OLFM3: variants seen among roughly 807,000 people sequenced by gnomAD.
OLFM3 encodes the protein olfactomedin 3.
OLFM3 carries 20 observed loss-of-function variants against 48.6 expected under a neutral mutation model. That is an observed-to-expected ratio of 0.41 (90% CI 0.29 to 0.60). The LOEUF (loss-of-function observed/expected upper bound fraction) is 0.60. Among genes scored for constraint, OLFM3 ranks in the 20% least tolerant of loss-of-function variants. The probability of loss-of-function intolerance (pLI) is 0.28; values close to 1 mark genes in which losing one functional copy is unlikely to be tolerated. For missense variants in OLFM3, 437 were observed against 544.3 expected (o/e 0.80, Z 1.96); for synonymous variants, 222 against 198.1 (o/e 1.12, Z -1.01).
intron 2 of OLFM3, among the ~76,000 whole-genome samples, chr1:101,835,380 T>C (rs1296001160): frequency 6.6e-6 from 1 of 152,222 alleles, no homozygotes; most frequent in Non-Finnish European, 1.5e-5. Context: ...AGTGGTGAGT[T>C]CTCAGCTCAT....
At chr1:101,862,725 T>C (rs920570040) in intron 1 of OLFM3, among the ~76,000 whole-genome samples, 3 of 152,234 alleles carry the variant, frequency 2.0e-5, no homozygotes, top group Non-Finnish European at 4.4e-5. Flanking sequence ...CAGAGAAATA[T>C]GTATTTGCAC....
At chr1:101,838,393 C>A (rs1900024) in intron 1 of OLFM3, among the ~76,000 whole-genome samples, 2 of 152,220 alleles carry the variant, frequency 1.3e-5, no homozygotes, top group Admixed American at 1.3e-4. Flanking sequence ...CCTATTTGAC[C>A]TATCAAGTAG....
chr1:101,808,777 T>C (rs866655093), intron 4 of OLFM3, among the ~76,000 whole-genome samples: 6 of 151,754 alleles, frequency 4.0e-5, no homozygotes, highest in Admixed American at 6.6e-5. Context: ...TTCAAAACTT[T>C]AAAAATATAT....
chr1:101,839,880 C>T (rs1655624262), intron 1 of OLFM3, among the ~76,000 whole-genome samples: 1 of 152,200 alleles, frequency 6.6e-6, no homozygotes, highest in Non-Finnish European at 1.5e-5. Flanking sequence ...ACCTTCTCTA[C>T]TACAGAGTTA....
At chr1:101,948,656 T>G (rs1297422894) in intron 1 of OLFM3, among the ~76,000 whole-genome samples, 1 of 152,034 alleles carries the variant, frequency 6.6e-6, no homozygotes. Flanking sequence ...CTGAAACACA[T>G]TTGTGAAAAC....
intron 1 of OLFM3, among the ~76,000 whole-genome samples, chr1:101,961,068 G>A (rs967500204): frequency 2.6e-5 from 4 of 152,128 alleles, no homozygotes; most frequent in African/African-American, 9.7e-5. Context: ...AATGGCTCTA[G>A]GAGATGTCTT....
chr1:101,823,640 A>G (rs1654713103), intron 4 of OLFM3, among the ~76,000 whole-genome samples: 2 of 152,194 alleles, frequency 1.3e-5, no homozygotes, highest in South Asian at 4.1e-4. Flanking sequence ...TCAACAGAGC[A>G]AAATAATTTC....
intron 1 of OLFM3, among the ~76,000 whole-genome samples, chr1:101,855,097 A>C (rs1656362722): frequency 6.6e-6 from 1 of 152,092 alleles, no homozygotes; most frequent in African/African-American, 2.4e-5. Context: ...TAGAGTTTAA[A>C]TATTCATCTT....
intron 1 of OLFM3, among the ~76,000 whole-genome samples, chr1:101,913,199 A>G (rs1391104466): frequency 6.6e-6 from 1 of 152,172 alleles, no homozygotes; most frequent in Non-Finnish European, 1.5e-5. Context: ...CTTCCCTCTC[A>G]TGAAAGGCTA....
intron 1 of OLFM3, among the ~76,000 whole-genome samples, chr1:101,898,193 A>G (rs1270955150): frequency 6.6e-6 from 1 of 152,008 alleles, no homozygotes; most frequent in African/African-American, 2.4e-5. Flanking sequence ...GATGAGTTTA[A>G]AAAACTGATT....
chr1:101,893,724 G>A (rs1557720172), intron 1 of OLFM3: 1 of 155,810 alleles, frequency 6.4e-6, no homozygotes, highest in African/African-American at 2.4e-5. Flanking sequence ...CAAGCATGGA[G>A]CCATCAAGCA....
At chr1:101,994,569 T>G (rs962970692) in intron 1 of OLFM3, among the ~76,000 whole-genome samples, 15 of 149,034 alleles carry the variant, frequency 1.0e-4, no homozygotes, top group African/African-American at 3.2e-4. Context: ...CATCTGTAAT[T>G]TTTTGGGGGG....
intron 1 of OLFM3, among the ~76,000 whole-genome samples, chr1:101,920,417 TTTTCAG>T (rs959302915): frequency 6.6e-6 from 1 of 152,182 alleles, no homozygotes; most frequent in Admixed American, 6.5e-5. Context: ...CTCCTTTATA[TTTTCAG>T]TTTCAGAAAT....
chr1:101,827,435 T>C (rs1654915192), intron 3 of OLFM3, among the ~76,000 whole-genome samples: 1 of 152,100 alleles, frequency 6.6e-6, no homozygotes, highest in Non-Finnish European at 1.5e-5. Flanking sequence ...TTCTCCTGCC[T>C]CAGCCTCTCG....
At chr1:101,910,186 A>C in intron 1 of OLFM3, 2 of 976,148 alleles carry the variant, frequency 2.0e-6, no homozygotes, top group Non-Finnish European at 2.4e-6. Flanking sequence ...CACATTCTCG[A>C]CCGGGCGCGG....
At chr1:101,950,979 A>G (rs1196959066) in intron 1 of OLFM3, among the ~76,000 whole-genome samples, 2 of 152,226 alleles carry the variant, frequency 1.3e-5, no homozygotes, top group Non-Finnish European at 2.9e-5. Context: ...TGCCTAGCAA[A>G]AAAAGAAAGA....
At chr1:101,861,771 G>A (rs912474023) in intron 1 of OLFM3, among the ~76,000 whole-genome samples, 1 of 152,146 alleles carries the variant, frequency 6.6e-6, no homozygotes, top group African/African-American at 2.4e-5. Context: ...GTGATCCTGT[G>A]TAAATTAATT....
chr1:101,843,020 G>T (rs1315879179), intron 1 of OLFM3, among the ~76,000 whole-genome samples: 1 of 152,052 alleles, frequency 6.6e-6, no homozygotes, highest in Non-Finnish European at 1.5e-5. Context: ...GAATTTGGGG[G>T]GAAAAACAGT....
At chr1:101,867,958 C>T (rs1300970224) in intron 1 of OLFM3, among the ~76,000 whole-genome samples, 1 of 152,140 alleles carries the variant, frequency 6.6e-6, no homozygotes, top group Non-Finnish European at 1.5e-5. Context: ...AAGGGGCTCC[C>T]AATTTGCCCA....
Sources: allele counts gnomAD v4.1 joint callset (sites outside exome capture counted in the v4.1 genomes callset), GRCh38; gene constraint gnomAD v4.1.1; transcripts MANE v1.5; gene names NCBI Gene and HGNC (gene_info 2026-07-23, HGNC 2026-07-21).